SH3GL3: variants seen among roughly 807,000 people sequenced by gnomAD.
The protein encoded by SH3GL3 is endophilin-A3.
A neutral mutation model predicts 47.7 loss-of-function variants in SH3GL3; 33 were observed. The observed-to-expected ratio is 0.69, with a 90% CI of 0.52 to 0.92. The LOEUF (loss-of-function observed/expected upper bound fraction) is 0.92, where lower values mean the gene tolerates loss of function less well. Among genes scored for constraint, SH3GL3 ranks in the 40% least tolerant of loss-of-function variants. The probability of loss-of-function intolerance (pLI) is 0.00; values close to 1 mark genes in which losing one functional copy is unlikely to be tolerated. For missense variants in SH3GL3, 363 were observed against 417.8 expected (o/e 0.87, Z 1.14); for synonymous variants, 155 against 148.8 (o/e 1.04, Z -0.30).
At chr15:83,566,389 T>A (rs1366646007) in intron 3 of SH3GL3, among the ~76,000 whole-genome samples, 2 of 151,426 alleles carry the variant, frequency 1.3e-5, no homozygotes, top group African/African-American at 2.4e-5. Flanking sequence ...TGTGTGTGTG[T>A]GTGTGTGTGT....
intron 1 of SH3GL3, among the ~76,000 whole-genome samples, chr15:83,492,498 C>T (rs1183561540): frequency 6.6e-6 from 1 of 152,046 alleles, no homozygotes; most frequent in Admixed American, 6.6e-5. Flanking sequence ...TGATGTTCTG[C>T]CTACCTTCAC....
At chr15:83,481,864 A>G (rs577958563) in intron 1 of SH3GL3, among the ~76,000 whole-genome samples, 104 of 152,324 alleles carry the variant, frequency 6.8e-4, no homozygotes, top group Non-Finnish European at 1.3e-3. Context: ...TTGAAAGGCA[A>G]ATATTACAAA....
At chr15:83,501,352 C>T (rs1333844676) in intron 1 of SH3GL3, among the ~76,000 whole-genome samples, 1 of 148,648 alleles carries the variant, frequency 6.7e-6, no homozygotes, top group African/African-American at 2.4e-5. Context: ...ATGATTAGTA[C>T]ATCATAAAAG....
chr15:83,470,771 A>G (rs535674770), intron 1 of SH3GL3, among the ~76,000 whole-genome samples: 6 of 152,008 alleles, frequency 3.9e-5, no homozygotes, highest in Non-Finnish European at 8.8e-5. Flanking sequence ...TTTGGTTTAT[A>G]TAGTGTTTTT....
At position 83,610,850 on chromosome 15, in the gene SH3GL3, A is replaced by G. The variant is rs1005947555; in HGVS notation, c.839-7232A>G. Reference sequence around the variant, plus strand: ...TGGTAAACACTAACACCTGAGAGTTATTATTTCGTCCCTGTAGCTGAGTAG... The same window carrying G: ...TGGTAAACACTAACACCTGAGAGTTGTTATTTCGTCCCTGTAGCTGAGTAG... On this transcript the variant is annotated intron_variant, in intron 8 of 8. Coordinates refer to ENST00000427482, the MANE Select transcript of SH3GL3 (RefSeq NM_003027.5). 2.6e-5 allele frequency among the ~76,000 whole-genome samples: 4 copies of G among 152,264 alleles called. No homozygotes were observed. In the East Asian group the frequency reaches 7.7e-4, roughly 29 times the overall value.
chr15:83,629,162 T>C, the SH3GL3 span, among the ~76,000 whole-genome samples: 1 of 152,242 alleles, frequency 6.6e-6, no homozygotes. Context: ...TAAATTGATA[T>C]ATACATTCAA....
intron 1 of SH3GL3, among the ~76,000 whole-genome samples, chr15:83,465,636 G>T (rs1020009434): frequency 3.3e-5 from 5 of 151,810 alleles, no homozygotes; most frequent in African/African-American, 1.2e-4. Context: ...CACAGATTAA[G>T]GTCTCCTTTT....
rs1272426854 is a variant in SH3GL3, at chr15:83,501,613, T to G, written c.45+54035T>G. Among the ~76,000 whole-genome samples the G allele has an allele frequency of 2.6e-5, 4 of 152,216 alleles. No homozygotes were observed. In the South Asian group the frequency reaches 6.2e-4, roughly 24 times the overall value. ...CCTTTAAGATTTACTGGCTTCTGGCTGGGTGCAGTGGCTCACGCCTGTAAT... is the reference window on the plus strand; with the variant it reads ...CCTTTAAGATTTACTGGCTTCTGGCGGGGTGCAGTGGCTCACGCCTGTAAT... On this transcript the variant is annotated intron_variant, in intron 1 of 8. Coordinates refer to ENST00000427482, the MANE Select transcript of SH3GL3 (RefSeq NM_003027.5).
At chr15:83,571,411 G>A (rs575552654) in intron 4 of SH3GL3, among the ~76,000 whole-genome samples, 5 of 152,252 alleles carry the variant, frequency 3.3e-5, no homozygotes, top group East Asian at 1.9e-4. Context: ...GGGACATTTC[G>A]TCTTCATTTA....
intron 4 of SH3GL3, 112 bp downstream of exon 4, chr15:83,568,784 G>T: frequency 1.5e-6 from 1 of 678,360 alleles, no homozygotes; most frequent in Non-Finnish European, 2.4e-6. Context: ...TATTACCAAA[G>T]TAATACATGT....
chr15:83,565,453 G>C (rs932053660), intron 3 of SH3GL3: 3 of 425,878 alleles, frequency 7.0e-6, no homozygotes, highest in African/African-American at 4.1e-5. Context: ...ATAGCAACAA[G>C]AGAGCACTGA....
chr15:83,584,259 C>T (rs2059906173), intron 6 of SH3GL3, among the ~76,000 whole-genome samples: 1 of 152,144 alleles, frequency 6.6e-6, no homozygotes, highest in Non-Finnish European at 1.5e-5. Context: ...CTTCCATTGT[C>T]ATATCTTCTC....
intron 1 of SH3GL3, among the ~76,000 whole-genome samples, chr15:83,552,735 G>C (rs545742420): frequency 6.6e-6 from 1 of 152,272 alleles, no homozygotes; most frequent in African/African-American, 2.4e-5. Flanking sequence ...TGGTCATTCA[G>C]ATAATCAATA....
intron 1 of SH3GL3, among the ~76,000 whole-genome samples, chr15:83,522,902 A>G (rs951568159): frequency 2.0e-5 from 3 of 152,264 alleles, no homozygotes; most frequent in Non-Finnish European, 4.4e-5. Flanking sequence ...AGACATGGTC[A>G]GCATTGTAAG....
At chr15:83,474,222 A>G (rs1181187976) in intron 1 of SH3GL3, among the ~76,000 whole-genome samples, 1 of 152,166 alleles carries the variant, frequency 6.6e-6, no homozygotes, top group Non-Finnish European at 1.5e-5. Context: ...TCCCTCAAAC[A>G]CTGCCTGGCA....
chr15:83,623,138 G>A (rs11855643), downstream of SH3GL3, among the ~76,000 whole-genome samples: 20,842 of 152,182 alleles, frequency 0.14, 1,897 homozygotes, highest in South Asian at 0.25. Flanking sequence ...CCAGATAGAA[G>A]CTAGACCAGA....
At chr15:83,481,396 G>A (rs1054789180) in intron 1 of SH3GL3, among the ~76,000 whole-genome samples, 3 of 152,104 alleles carry the variant, frequency 2.0e-5, no homozygotes, top group African/African-American at 7.2e-5. Context: ...TTGACACTAG[G>A]ACGTTAGGTG....
chr15:83,567,657 C>G lies in SH3GL3; in HGVS notation c.188-872C>G, dbSNP rs756271097. 1.8e-4 allele frequency among the ~76,000 whole-genome samples: 27 copies of G among 152,138 alleles called. 1 individual carries two copies. Among genetic ancestry groups the G allele is most frequent in the Non-Finnish European group, 3.2e-4 (22 of 68,026 alleles). Reference sequence around the variant, plus strand: ...CTCCTAAACAGCAGCACCTGCCTGCCATAATACTGAAAATCATTAGGCTCA... The same window carrying G: ...CTCCTAAACAGCAGCACCTGCCTGCGATAATACTGAAAATCATTAGGCTCA... On this transcript the variant is annotated intron_variant, in intron 3 of 8. Coordinates refer to ENST00000427482, the MANE Select transcript of SH3GL3 (RefSeq NM_003027.5).
chr15:83,578,832 T>C (rs1050959982), intron 6 of SH3GL3, among the ~76,000 whole-genome samples: 8 of 152,174 alleles, frequency 5.3e-5, no homozygotes, highest in African/African-American at 1.9e-4. Context: ...GTATTTGAAG[T>C]GTGACATGTA....
Sources: allele counts gnomAD v4.1 joint callset (sites outside exome capture counted in the v4.1 genomes callset), GRCh38; gene constraint gnomAD v4.1.1; transcripts MANE v1.5; gene names NCBI Gene and HGNC (gene_info 2026-07-23, HGNC 2026-07-21).